Variants in TMPRSS9 observed in about 807,000 individuals in gnomAD.
TMPRSS9 encodes transmembrane serine protease 9, also known as transmembrane protease serine 9.
TMPRSS9 carries 113 observed loss-of-function variants against 111.4 expected under a neutral mutation model. The ratio of observed to expected loss-of-function variants is 1.01; its 90% CI spans 0.87 to 1.19. The LOEUF is 1.19. Ranked by LOEUF, TMPRSS9 falls within the 50% of genes most tolerant of loss-of-function variation. TMPRSS9 has a pLI of 0.00. For synonymous variants in TMPRSS9, 805 were observed against 659.1 expected, an observed-to-expected ratio of 1.22 and a Z score of -3.39; for missense variants, 1,803 against 1,513.1, an observed-to-expected ratio of 1.19 and a Z score of -3.18.
intron 1 of TMPRSS9, among the ~76,000 whole-genome samples, chr19:2,373,988 A>T (rs1456091259): frequency 1.3e-5 from 2 of 152,186 alleles, no homozygotes. Context: ...GGGAGATCTG[A>T]GCAAGGCAGA....
chr19:2,360,322 A>C, exon 1 of TMPRSS9, among the ~76,000 whole-genome samples: 1 of 151,970 alleles, frequency 6.6e-6, no homozygotes, highest in Admixed American at 6.5e-5. Context: ...CTGCGGGCTC[A>C]GCCTCCCCTC....
At chr19:2,405,060 G>C (rs953656411) in intron 6 of TMPRSS9, among the ~76,000 whole-genome samples, 9 of 151,888 alleles carry the variant, frequency 5.9e-5, no homozygotes, top group African/African-American at 1.7e-4. Flanking sequence ...TAAGCAGACA[G>C]ACACAATATC....
intron 9 of TMPRSS9, among the ~76,000 whole-genome samples, chr19:2,412,422 A>T (rs1421226620): frequency 4.6e-5 from 7 of 152,158 alleles, no homozygotes; most frequent in African/African-American, 1.7e-4. Flanking sequence ...TTGAAAATTT[A>T]AAAATGTCGC....
intron 5 of TMPRSS9, among the ~76,000 whole-genome samples, chr19:2,402,646 G>A (rs1970876009): frequency 1.3e-5 from 2 of 152,328 alleles, no homozygotes; most frequent in African/African-American, 2.4e-5. Flanking sequence ...GCTGAGGCAT[G>A]AGAATCACTT....
At chr19:2,410,155 A>G (rs1021270030) in intron 8 of TMPRSS9, 103 bp from the exon 10 acceptor site, 19 of 1,526,776 alleles carry the variant, frequency 1.2e-5, no homozygotes, top group Non-Finnish European at 1.6e-5. Context: ...AGCTGGGGAA[A>G]CTGAGGGAGG....
chr19:2,405,278 G>A (rs2145337559), intron 6 of TMPRSS9, 96 bp from the exon 8 acceptor site: 2 of 1,439,354 alleles, frequency 1.4e-6, no homozygotes, highest in Non-Finnish European at 1.8e-6. Context: ...TTGAACTTAG[G>A]GACTGTAGAC....
chr19:2,411,297 CTCAAAAA>C (rs1568184825), intron 9 of TMPRSS9, among the ~76,000 whole-genome samples: 1 of 27,264 alleles, frequency 3.7e-5, no homozygotes. Context: ...AAGACTCTGT[CTCAAAAA>C]AAAAAAAAAA....
At chr19:2,415,935 C>A in intron 11 of TMPRSS9, 94 bp downstream of exon 12, 2 of 1,407,448 alleles carry the variant, frequency 1.4e-6, no homozygotes, top group Non-Finnish European at 1.9e-6. Flanking sequence ...GCTGCATGGA[C>A]CCCACTGGGG....
intron 1 of TMPRSS9, among the ~76,000 whole-genome samples, chr19:2,391,740 C>CTT (rs111240493): frequency 0.54 from 71,780 of 132,648 alleles, 20,267 homozygotes; most frequent in Middle Eastern, 0.71. Context: ...GAAAGGAAGT[C>CTT]TTTTTTTTTT....
At chr19:2,410,230 C>T (rs763282433) in intron 8 of TMPRSS9, 28 bp from the exon 10 acceptor site, 24 of 1,612,136 alleles carry the variant, frequency 1.5e-5, no homozygotes, top group African/African-American at 5.3e-5. Flanking sequence ...GGCACTCTCA[C>T]CCTGCTTTTC....
rs552048658 is a variant in TMPRSS9, at chr19:2,396,637, C to T, written c.241C>T (p.Arg81Cys). The T allele has an allele frequency of 7.3e-5, 118 of 1,606,552 alleles. No homozygotes were observed. In the East Asian group the frequency reaches 9.0e-4, roughly 12 times the overall value. Reference sequence around the variant, plus strand: ...GCGGCGGGAGACCTCGGACTATCACCGCACGCTGACGCCCACCCTGGAGGC... The same window carrying T: ...GCGGCGGGAGACCTCGGACTATCACTGCACGCTGACGCCCACCCTGGAGGC... Residue 81 changes from arginine (R) to cysteine (C), a missense_variant, in exon 2 of 18, where the codon CGC becomes TGC. Coordinates refer to ENST00000648592, the Ensembl canonical transcript of TMPRSS9.
intron 14 of TMPRSS9, 114 bp from the exon 16 acceptor site, chr19:2,423,975 C>CACA: frequency 8.7e-7 from 1 of 1,148,704 alleles, no homozygotes; most frequent in Non-Finnish European, 1.1e-6. Flanking sequence ...GGTCCCCCAT[C>CACA]ACAACCTACT....
intron 6 of TMPRSS9, among the ~76,000 whole-genome samples, chr19:2,405,065 A>C (rs988093996): frequency 6.6e-6 from 1 of 152,164 alleles, no homozygotes; most frequent in Non-Finnish European, 1.5e-5. Context: ...AGACAGACAC[A>C]ATATCCTATA....
At chr19:2,415,942 G>A (rs1971221749) in intron 11 of TMPRSS9, 101 bp downstream of exon 12, 1 of 1,355,556 alleles carries the variant, frequency 7.4e-7, no homozygotes, top group Admixed American at 2.7e-5. Context: ...GGACCCCACT[G>A]GGGAGCAGCC....
intron 8 of TMPRSS9, among the ~76,000 whole-genome samples, chr19:2,409,023 TAA>T (rs981105939): frequency 2.8e-5 from 4 of 143,344 alleles, no homozygotes; most frequent in African/African-American, 1.0e-4. Flanking sequence ...ATAATAATAA[TAA>T]TAATAATGAT....
At chr19:2,420,491 G>A (rs1461709182) in intron 13 of TMPRSS9, among the ~76,000 whole-genome samples, 1 of 148,970 alleles carries the variant, frequency 6.7e-6, no homozygotes, top group Non-Finnish European at 1.5e-5. Context: ...AACTCTCAAA[G>A]TTAGATGCCA....
intron 1 of TMPRSS9, among the ~76,000 whole-genome samples, chr19:2,391,355 C>G (rs1970588692): frequency 7.0e-6 from 1 of 143,072 alleles, no homozygotes; most frequent in Non-Finnish European, 1.5e-5. Flanking sequence ...TATGAGAATC[C>G]TCCTAGGTTT....
rs201661905 is a variant in TMPRSS9, at chr19:2,415,785, C to T, written c.1689C>T (p.Cys563=). 288 of 1,608,556 alleles carry T rather than the reference C, an allele frequency of 1.8e-4. 1 individual carries two copies. Among genetic ancestry groups the T allele is most frequent in the East Asian group, 4.9e-4 (22 of 44,658 alleles). Residue 563 remains cysteine (C), a synonymous_variant, in exon 11 of 18, where the codon TGC becomes TGT. Coordinates refer to ENST00000648592, the Ensembl canonical transcript of TMPRSS9. ...TGAAGGAAGGGTCCCGGCACTTCTG[C>T]GGAGCAACTGTGGTGGGGGACCGCT...
rs778765192 is a variant in TMPRSS9 at position 2,422,297 on chromosome 19, T to C, written c.2548+50T>C. ...CTGGGAGTGGAGGGTCCCATGTTAA[T>C]CAGCCTGGGCTGCCTAACAAGACAT... On this transcript the variant is annotated intron_variant, in intron 14 of 17. Transcript: ENST00000648592. 1.0e-5 allele frequency: 15 copies of C among 1,484,380 alleles called. No individual in the cohort carries two copies. The South Asian group carries it at 2.1e-4, about 20-fold the overall frequency. 92.0% of individuals were successfully genotyped at this position (1,484,380 alleles called of 1,614,324 possible). A position where few individuals can be genotyped will look rare whatever the true frequency, so the allele number is the denominator to read the frequency against.
Sources: allele counts gnomAD v4.1 joint callset (sites outside exome capture counted in the v4.1 genomes callset), GRCh38; gene constraint gnomAD v4.1.1; transcripts MANE v1.5; gene names NCBI Gene and HGNC (gene_info 2026-07-23, HGNC 2026-07-21).